Variants in BCL2L11 observed in about 807,000 individuals in gnomAD.
BCL2L11 encodes the protein BCL2 like 11.
A neutral mutation model predicts 20.6 loss-of-function variants in BCL2L11; 15 were observed. The ratio of observed to expected loss-of-function variants is 0.73; its 90% CI spans 0.49 to 1.12. BCL2L11 has a LOEUF of 1.12. Ranked by LOEUF, BCL2L11 falls within the 50% of genes most tolerant of loss-of-function variation. The pLI, the probability that BCL2L11 is intolerant of heterozygous loss-of-function variation, is 0.00. For missense variants in BCL2L11, 292 were observed against 260.9 expected, an observed-to-expected ratio of 1.12 and a Z score of -0.82; for synonymous variants, 108 against 92.8, an observed-to-expected ratio of 1.16 and a Z score of -0.94.
intron 1 of BCL2L11, chr2:111,123,477 C>G: frequency 1.0e-6 from 1 of 985,458 alleles, no homozygotes; most frequent in South Asian, 4.7e-5. Flanking sequence ...TCTGGAAACG[C>G]ATGTGTGTGT....
chr2:111,123,577 G>A (rs1201060643), intron 1 of BCL2L11, 156 bp from the exon 2 acceptor site: 1 of 968,946 alleles, frequency 1.0e-6, no homozygotes, highest in Non-Finnish European at 1.2e-6. Context: ...ATTATTTTAG[G>A]TGCAATTTTT....
rs796286272 is a variant in BCL2L11 at position 111,156,746 on chromosome 2, C to T, written c.498+6599C>T. On this transcript the variant is annotated intron_variant, in intron 3 of 3. Coordinates refer to ENST00000393256, the MANE Select transcript of BCL2L11 (RefSeq NM_138621.5). ...CCTAGAGCCCTGACTCTACCCTTAACCTTTAGGAGGCCAATTGTCTGGTCT... is the reference window on the plus strand; with the variant it reads ...CCTAGAGCCCTGACTCTACCCTTAATCTTTAGGAGGCCAATTGTCTGGTCT... 3.5e-4 allele frequency among the ~76,000 whole-genome samples: 53 copies of T among 152,202 alleles called. 1 individual carries two copies. The highest frequency in any genetic ancestry group is 1.2e-3 in the African/African-American group (50 of 41,534).
At chr2:111,160,011 C>T (rs569644690) in intron 3 of BCL2L11, among the ~76,000 whole-genome samples, 2 of 152,262 alleles carry the variant, frequency 1.3e-5, no homozygotes, top group South Asian at 4.1e-4. Context: ...AGGGCACAGT[C>T]TGTGGGGGAG....
At chr2:111,148,554 A>C (rs2076855007) in intron 2 of BCL2L11, among the ~76,000 whole-genome samples, 1 of 152,202 alleles carries the variant, frequency 6.6e-6, no homozygotes, top group Admixed American at 6.5e-5. Flanking sequence ...GGTACAATCA[A>C]AGTAAATTTT....
rs1465599206 is a variant in BCL2L11 at position 111,150,218 on chromosome 2, CAG to C, written c.498+72_498+73del. Reference sequence around the variant, plus strand: ...TCCACACTATATTTTTTTAAAAAGACAGTGACTTCTTGTAACTACATGCTAAT... The same window carrying C: ...TCCACACTATATTTTTTTAAAAAGACTGACTTCTTGTAACTACATGCTAAT... On this transcript the variant is annotated intron_variant, in intron 3 of 3. Transcript: ENST00000393256. 3 of 1,554,638 alleles carry C rather than the reference CAG, an allele frequency of 1.9e-6. No homozygotes were observed. In the Admixed American group the frequency reaches 5.7e-5, roughly 30 times the overall value.
intron 3 of BCL2L11, chr2:111,162,803 T>C (rs1345064388): frequency 6.6e-6 from 1 of 152,254 alleles, no homozygotes; most frequent in Non-Finnish European, 1.5e-5. Context: ...GGTTTTATTT[T>C]GAATAAGTCT....
chr2:111,148,707 C>T (rs141271434), intron 2 of BCL2L11, among the ~76,000 whole-genome samples: 372 of 152,248 alleles, frequency 2.4e-3, no homozygotes, highest in African/African-American at 8.5e-3. Flanking sequence ...TGGAGGGGAT[C>T]GGTGTGTGTC....
rs149928170 is a variant in BCL2L11 at position 111,143,632 on chromosome 2, C to G, written c.395-6412C>G. Among the ~76,000 whole-genome samples, 968 of 152,320 alleles carry G rather than the reference C, an allele frequency of 6.4e-3. 8 individuals carry two copies. The highest frequency in any genetic ancestry group is 0.02 in the Middle Eastern group (6 of 294). On this transcript the variant is annotated intron_variant, in intron 2 of 3. Coordinates refer to ENST00000393256, the MANE Select transcript of BCL2L11 (RefSeq NM_138621.5). ...GCATCTGTCCCAGGAAGCGGGCACA[C>G]AGGCTGGGAGTCTTAGAGGGCTCCT...
At chr2:111,150,020 T>C in intron 2 of BCL2L11, 24 bp from the exon 3 acceptor site, 1 of 1,595,978 alleles carries the variant, frequency 6.3e-7, no homozygotes, top group South Asian at 1.1e-5. Context: ...AATGTGATTT[T>C]TGTTTTGTTT....
chr2:111,162,057 G>A (rs1559089742), intron 3 of BCL2L11, among the ~76,000 whole-genome samples: 1 of 152,176 alleles, frequency 6.6e-6, no homozygotes, highest in Non-Finnish European at 1.5e-5. Context: ...TATGGCTGCA[G>A]GTATTAGAGG....
intron 1 of BCL2L11, chr2:111,122,706 GGA>G: frequency 1.0e-6 from 1 of 981,794 alleles, no homozygotes; most frequent in African/African-American, 1.8e-5. Flanking sequence ...CGCGGCGTGC[GGA>G]GCCCTCGGCT....
At chr2:111,147,327 A>ATCTCTCTCTCTCTCTCTCTC (rs367737247) in intron 2 of BCL2L11, among the ~76,000 whole-genome samples, 72 of 125,800 alleles carry the variant, frequency 5.7e-4, no homozygotes, top group African/African-American at 2.3e-3. Flanking sequence ...AGCCTCCTGT[A>ATCTCTCTCTCTCTCTCTCTC]TCTCTCTCTC....
chr2:111,157,100 T>C lies in BCL2L11; in HGVS notation c.498+6953T>C, dbSNP rs1452698800. Among the ~76,000 whole-genome samples the C allele has an allele frequency of 5.3e-5, 8 of 152,172 alleles. No individual in the cohort carries two copies. The East Asian group carries it at 1.5e-3, about 29-fold the overall frequency. ...GATGGGCATCGGGCTAAAGGACTTG[T>C]GCTTGTTTGCACCACGTGTGAGTGC... On this transcript the variant is annotated intron_variant, in intron 3 of 3. Transcript: ENST00000393256.
chr2:111,122,931 T>G, intron 1 of BCL2L11: 1 of 985,372 alleles, frequency 1.0e-6, no homozygotes, highest in Non-Finnish European at 1.2e-6. Flanking sequence ...GACGTGAGTT[T>G]CGGTGTGATT....
intron 2 of BCL2L11, chr2:111,132,197 G>T (rs2074077815): frequency 6.6e-6 from 1 of 152,150 alleles, no homozygotes; most frequent in Admixed American, 6.5e-5. Flanking sequence ...CCAAATGAGG[G>T]AGATTCTCAG....
intron 2 of BCL2L11, chr2:111,128,836 T>G: frequency 6.9e-7 from 1 of 1,443,880 alleles, no homozygotes; most frequent in Admixed American, 2.9e-5. Context: ...AAAATGTATT[T>G]TAATATTGAC....
chr2:111,125,994 T>G (rs2072509632), intron 2 of BCL2L11, among the ~76,000 whole-genome samples: 3 of 152,174 alleles, frequency 2.0e-5, no homozygotes, highest in Admixed American at 1.3e-4. Context: ...GAAACACACG[T>G]GCATTAAAGA....
intron 2 of BCL2L11, among the ~76,000 whole-genome samples, chr2:111,129,317 A>G (rs925284040): frequency 2.6e-5 from 4 of 152,216 alleles, no homozygotes; most frequent in Admixed American, 6.5e-5. Context: ...ACCAAGAGAA[A>G]TAAGGAAACT....
intron 2 of BCL2L11, among the ~76,000 whole-genome samples, chr2:111,147,130 T>C (rs909957570): frequency 3.3e-5 from 5 of 152,234 alleles, no homozygotes; most frequent in African/African-American, 1.2e-4. Flanking sequence ...AATGTAGTTA[T>C]TGCCAATTCC....
Sources: gnomAD v4.1 joint callset for allele counts (sites outside exome capture counted in the v4.1 genomes callset) on GRCh38, gnomAD v4.1.1 for gene constraint, MANE v1.5 for transcripts, NCBI Gene and HGNC (gene_info 2026-07-23, HGNC 2026-07-21) for gene names.